Variants in LRRC7 observed in about 807,000 individuals in gnomAD.
LRRC7 encodes leucine-rich repeat-containing protein 7.
Under a neutral mutation model 175.7 loss-of-function variants are expected in LRRC7, and 23 were observed. The observed-to-expected ratio is 0.13, with a 90% confidence interval of 0.09 to 0.19. The LOEUF (loss-of-function observed/expected upper bound fraction) is 0.19, where lower values mean the gene tolerates loss of function less well. LRRC7 is among the 10% of genes least tolerant of loss of function. The probability of loss-of-function intolerance (pLI) is 1.00; values close to 1 mark genes in which losing one functional copy is unlikely to be tolerated. For synonymous variants in LRRC7, 685 were observed against 680.9 expected (o/e 1.01, Z -0.09); for missense variants, 1,354 against 1,904.7 (o/e 0.71, Z 5.38).
chr1:70,011,297 A>T (rs1471991162), intron 11 of LRRC7, among the ~76,000 whole-genome samples: 2 of 151,742 alleles, frequency 1.3e-5, no homozygotes, highest in East Asian at 3.9e-4. Flanking sequence ...AAAATATTAC[A>T]TATCTTAAAT....
At chr1:69,568,688 C>CA in intron 1 of LRRC7, 47 bp downstream of exon 1, 1 of 1,155,694 alleles carries the variant, frequency 8.7e-7, no homozygotes. Flanking sequence ...TGCGGGGGCC[C>CA]GGCCGCGGCG....
At chr1:70,104,406 G>T (rs937991447) in intron 25 of LRRC7, among the ~76,000 whole-genome samples, 1 of 152,070 alleles carries the variant, frequency 6.6e-6, no homozygotes, top group African/African-American at 2.4e-5. Context: ...TTAAAAATTA[G>T]GCCACTGACC....
intron 8 of LRRC7, among the ~76,000 whole-genome samples, chr1:69,962,143 A>G (rs1407281659): frequency 3.9e-5 from 6 of 152,146 alleles, no homozygotes; most frequent in Non-Finnish European, 8.8e-5. Context: ...TTACCAAGAA[A>G]AAAAAACATT....
At chr1:69,845,437 T>C (rs1425159865) in intron 7 of LRRC7, among the ~76,000 whole-genome samples, 1 of 152,132 alleles carries the variant, frequency 6.6e-6, no homozygotes, top group African/African-American at 2.4e-5. Flanking sequence ...GTTTTATTTT[T>C]CATATAAGTT....
At chr1:69,843,229 G>C (rs534981443) in intron 7 of LRRC7, among the ~76,000 whole-genome samples, 63 of 151,732 alleles carry the variant, frequency 4.2e-4, no homozygotes, top group African/African-American at 1.4e-3. Flanking sequence ...AAAAAACCTA[G>C]TATAGAGCAT....
At position 69,984,002 on chromosome 1, in the gene LRRC7, C is replaced by A. The variant is rs779061074; in HGVS notation, c.787-2240C>A. ...GTTCAGTGGCATGATCTCAGCTCACCGCAACCTCTGCCTCCAGGGTTCAAC... is the reference window on the plus strand; with the variant it reads ...GTTCAGTGGCATGATCTCAGCTCACAGCAACCTCTGCCTCCAGGGTTCAAC... On this transcript the variant is annotated intron_variant, in intron 9 of 26. Coordinates refer to ENST00000651989, the MANE Select transcript of LRRC7 (RefSeq NM_001370785.2). Among the ~76,000 whole-genome samples, 6 of 151,976 alleles carry A rather than the reference C, an allele frequency of 3.9e-5. No individual in the cohort carries two copies. In the East Asian group the frequency reaches 5.8e-4, roughly 15 times the overall value.
At chr1:69,944,074 T>C (rs1022214605) in intron 8 of LRRC7, among the ~76,000 whole-genome samples, 2 of 152,000 alleles carry the variant, frequency 1.3e-5, no homozygotes, top group African/African-American at 4.8e-5. Flanking sequence ...AGCAGATCTC[T>C]AGAACTTTTC....
intron 1 of LRRC7, chr1:69,607,023 T>C (rs1021104549): frequency 3.9e-5 from 6 of 152,134 alleles, no homozygotes; most frequent in African/African-American, 1.2e-4. Flanking sequence ...GATTTGACTA[T>C]AGGAGATAAA....
At chr1:69,752,504 T>G (rs1345616777) in intron 2 of LRRC7, among the ~76,000 whole-genome samples, 1 of 152,158 alleles carries the variant, frequency 6.6e-6, no homozygotes, top group African/African-American at 2.4e-5. Context: ...AATACATATA[T>G]TGTCATTATT....
intron 1 of LRRC7, among the ~76,000 whole-genome samples, chr1:69,588,475 C>A (rs57180059): frequency 0.19 from 28,625 of 151,890 alleles, 2,965 homozygotes; most frequent in East Asian, 0.37. Flanking sequence ...ATATATTAAG[C>A]ATGTAGTTTT....
chr1:69,632,509 T>C (rs1257419048), intron 1 of LRRC7, among the ~76,000 whole-genome samples: 2 of 152,198 alleles, frequency 1.3e-5, no homozygotes, highest in Non-Finnish European at 2.9e-5. Context: ...TTACTGATTT[T>C]ATTTTTCAAG....
intron 7 of LRRC7, chr1:69,919,902 C>A: frequency 1.5e-6 from 1 of 665,054 alleles, no homozygotes; most frequent in Non-Finnish European, 2.7e-6. Context: ...GTGGCCGAAC[C>A]CCCCACTCCC....
At chr1:69,669,421 T>C (rs937915876) in intron 1 of LRRC7, among the ~76,000 whole-genome samples, 1 of 152,230 alleles carries the variant, frequency 6.6e-6, no homozygotes. Flanking sequence ...AACTCTCTAC[T>C]GAAAAGTCTG....
intron 10 of LRRC7, among the ~76,000 whole-genome samples, chr1:69,993,330 A>G (rs1234641846): frequency 1.3e-5 from 2 of 152,164 alleles, no homozygotes; most frequent in Non-Finnish European, 2.9e-5. Flanking sequence ...CTACTGCAGT[A>G]GAGATTCTGA....
intron 24 of LRRC7, among the ~76,000 whole-genome samples, chr1:70,082,671 T>G (rs528151350): frequency 6.6e-6 from 1 of 151,512 alleles, no homozygotes; most frequent in East Asian, 2.0e-4. Context: ...AGACTAAAAA[T>G]GCATTTGAGT....
intron 4 of LRRC7, among the ~76,000 whole-genome samples, chr1:69,821,425 G>A (rs1177911646): frequency 6.6e-6 from 1 of 151,584 alleles, no homozygotes; most frequent in Admixed American, 6.6e-5. Flanking sequence ...CAGAATTTCT[G>A]GGATTTTTTT....
chr1:69,968,351 C>A (rs1216609389), intron 8 of LRRC7, among the ~76,000 whole-genome samples: 1 of 152,036 alleles, frequency 6.6e-6, no homozygotes, highest in Non-Finnish European at 1.5e-5. Flanking sequence ...TGAGGAAGAA[C>A]AGAAATCTAA....
intron 7 of LRRC7, among the ~76,000 whole-genome samples, chr1:69,867,561 A>C (rs533610145): frequency 3.3e-5 from 5 of 152,148 alleles, no homozygotes; most frequent in African/African-American, 1.2e-4. Flanking sequence ...GGAATTGAGG[A>C]GTTTAAAGAC....
intron 2 of LRRC7, among the ~76,000 whole-genome samples, chr1:69,696,126 C>A (rs1662550394): frequency 6.6e-6 from 1 of 152,306 alleles, no homozygotes; most frequent in East Asian, 1.9e-4. Context: ...CAACTCCAAC[C>A]TGTAAGGGCA....
Sources: gnomAD v4.1 joint callset for allele counts (sites outside exome capture counted in the v4.1 genomes callset) on GRCh38, gnomAD v4.1.1 for gene constraint, MANE v1.5 for transcripts, NCBI Gene and HGNC (gene_info 2026-07-23, HGNC 2026-07-21) for gene names.